NLGN1: variants seen among roughly 807,000 people sequenced by gnomAD.
NLGN1 encodes neuroligin 1.
A neutral mutation model predicts 65.5 loss-of-function variants in NLGN1; 12 were observed. The observed-to-expected ratio is 0.18, with a 90% CI of 0.12 to 0.30. The LOEUF is 0.30. Ranked by LOEUF, NLGN1 falls within the 10% of genes least tolerant of loss-of-function variation. The pLI, the probability that NLGN1 is intolerant of heterozygous loss-of-function variation, is 1.00. For missense variants in NLGN1, 750 were observed against 1,007.1 expected (o/e 0.74, Z 3.46); for synonymous variants, 350 against 359.5 (o/e 0.97, Z 0.30).
rs753056792 is a variant in NLGN1 at position 173,489,176 on chromosome 3, T to C, written c.-321+54098T>C. The stretch of plus-strand genomic sequence containing the variant: ...TGTATACATGTGCCATGTTGGTGTG[T>C]TGCACCAATTAACTCATCATTTACA... On this transcript the variant is annotated intron_variant, in intron 2 of 6. Coordinates refer to ENST00000457714, the Ensembl canonical transcript of NLGN1. Among the ~76,000 whole-genome samples, 14 of 152,060 alleles carry C rather than the reference T, an allele frequency of 9.2e-5. No homozygotes were observed. The East Asian group carries it at 2.1e-3, about 23-fold the overall frequency.
intron 3 of NLGN1, among the ~76,000 whole-genome samples, chr3:173,793,125 C>T (rs1325467106): frequency 6.6e-6 from 1 of 151,944 alleles, no homozygotes; most frequent in Admixed American, 6.6e-5. Flanking sequence ...TTTGGGTTTG[C>T]CACTATTAAT....
chr3:173,710,469 C>T (rs532262100), intron 3 of NLGN1, among the ~76,000 whole-genome samples: 56 of 152,128 alleles, frequency 3.7e-4, no homozygotes, highest in African/African-American at 1.1e-3. Flanking sequence ...TTAAATGCAA[C>T]GTTTCTGAAT....
chr3:173,977,105 A>G (rs1560762974), intron 4 of NLGN1, among the ~76,000 whole-genome samples: 1 of 140,304 alleles, frequency 7.1e-6, no homozygotes, highest in African/African-American at 2.9e-5. Context: ...ACACACACAC[A>G]CGCACACACA....
intron 3 of NLGN1, among the ~76,000 whole-genome samples, chr3:173,692,719 A>G (rs1157704775): frequency 6.6e-6 from 1 of 152,088 alleles, no homozygotes; most frequent in Non-Finnish European, 1.5e-5. Context: ...AATATGAACT[A>G]AAATGATAAT....
intron 3 of NLGN1, among the ~76,000 whole-genome samples, chr3:173,609,453 C>T (rs1560044830): frequency 6.6e-6 from 1 of 151,898 alleles, no homozygotes; most frequent in Non-Finnish European, 1.5e-5. Context: ...TTTCAAGAGC[C>T]TTTTCCACAG....
chr3:174,077,437 G>A (rs1741235730), intron 4 of NLGN1, among the ~76,000 whole-genome samples: 1 of 152,136 alleles, frequency 6.6e-6, no homozygotes, highest in African/African-American at 2.4e-5. Context: ...TTTTAAAGTT[G>A]TTAAAATAGA....
At chr3:173,778,810 T>C (rs962981069) in intron 3 of NLGN1, among the ~76,000 whole-genome samples, 3 of 151,666 alleles carry the variant, frequency 2.0e-5, no homozygotes, top group Non-Finnish European at 3.0e-5. Flanking sequence ...TAGAAACAAA[T>C]ATAGAATTCT....
intron 2 of NLGN1, among the ~76,000 whole-genome samples, chr3:173,497,614 G>C (rs2149040057): frequency 6.6e-6 from 1 of 151,776 alleles, no homozygotes; most frequent in Non-Finnish European, 1.5e-5. Flanking sequence ...AAAAGGTAGT[G>C]TGTAAGCTAC....
chr3:174,234,831 G>A lies in NLGN1; in HGVS notation c.647-40484G>A, dbSNP rs150435961. Among the ~76,000 whole-genome samples, 22 of 151,798 alleles carry A rather than the reference G, an allele frequency of 1.4e-4. No homozygotes were observed. In the East Asian group the frequency reaches 2.5e-3, roughly 17 times the overall value. On this transcript the variant is annotated intron_variant, in intron 4 of 6. Transcript: ENST00000457714. ...GTTATGCTTTTAGCACCAAATTAAC[G>A]TAAAACAAAATTATATAGTTTATAA...
chr3:174,239,680 G>A (rs953928255), intron 4 of NLGN1, among the ~76,000 whole-genome samples: 3 of 151,984 alleles, frequency 2.0e-5, no homozygotes, highest in East Asian at 1.9e-4. Flanking sequence ...AAGGGTAGTC[G>A]ATATAATTGT....
rs1319720531 is a variant in NLGN1, at chr3:173,868,701, A to T, written c.646+60869A>T. 2.6e-5 allele frequency among the ~76,000 whole-genome samples: 4 copies of T among 152,278 alleles called. No homozygotes were observed. In the East Asian group the frequency reaches 7.7e-4, roughly 29 times the overall value. ...GCTCCCAAGCTTCACTGGGCATATT[A>T]ATCTTTGATAAAAATGTAGACTTTA... On this transcript the variant is annotated intron_variant, in intron 4 of 6. Transcript: ENST00000457714.
At chr3:173,438,663 C>T (rs770407490) in intron 2 of NLGN1, among the ~76,000 whole-genome samples, 51 of 152,034 alleles carry the variant, frequency 3.4e-4, no homozygotes, top group Non-Finnish European at 6.0e-4. Flanking sequence ...AGAAAAACTG[C>T]GGAAGATTTA....
At chr3:173,948,529 G>A (rs1560703512) in intron 4 of NLGN1, among the ~76,000 whole-genome samples, 1 of 152,176 alleles carries the variant, frequency 6.6e-6, no homozygotes, top group Non-Finnish European at 1.5e-5. Flanking sequence ...GTAGAAGGGT[G>A]AGTAAATGGA....
intron 4 of NLGN1, among the ~76,000 whole-genome samples, chr3:173,887,374 C>T (rs949671734): frequency 1.3e-5 from 2 of 151,812 alleles, no homozygotes; most frequent in Non-Finnish European, 2.9e-5. Context: ...ACAACTTGAT[C>T]GTAATGACTC....
intron 4 of NLGN1, among the ~76,000 whole-genome samples, chr3:174,220,999 C>A (rs1353890157): frequency 6.6e-6 from 1 of 152,194 alleles, no homozygotes; most frequent in Non-Finnish European, 1.5e-5. Context: ...GGGTAAAGCC[C>A]TAAGGGTTGA....
chr3:173,772,858 T>C (rs1779778788), intron 3 of NLGN1, among the ~76,000 whole-genome samples: 1 of 152,144 alleles, frequency 6.6e-6, no homozygotes, highest in Non-Finnish European at 1.5e-5. Context: ...CTCCTCCTAA[T>C]TGCAGCTTCC....
chr3:173,821,044 A>C (rs997239445), intron 4 of NLGN1, among the ~76,000 whole-genome samples: 1 of 152,170 alleles, frequency 6.6e-6, no homozygotes, highest in Admixed American at 6.5e-5. Context: ...ACACCCACTC[A>C]TCTTTTATAA....
At chr3:173,914,469 C>T (rs1560618610) in intron 4 of NLGN1, among the ~76,000 whole-genome samples, 1 of 152,096 alleles carries the variant, frequency 6.6e-6, no homozygotes, top group Non-Finnish European at 1.5e-5. Context: ...GAAACACACA[C>T]ACACACATAT....
chr3:174,233,532 A>T lies in NLGN1; in HGVS notation c.647-41783A>T, dbSNP rs886660610. On this transcript the variant is annotated intron_variant, in intron 4 of 6. Transcript: ENST00000457714. ...AATAATAATAATATAAAAAATAAAC[A>T]GTTAAAGGCAAACCTCTTGAACAGA... is the stretch of plus-strand genomic sequence containing the variant. 2.0e-5 allele frequency among the ~76,000 whole-genome samples: 3 copies of T among 151,240 alleles called. No homozygotes were observed. In the East Asian group the frequency reaches 5.8e-4, roughly 29 times the overall value.
Sources: gnomAD v4.1 joint callset for allele counts (sites outside exome capture counted in the v4.1 genomes callset) on GRCh38, gnomAD v4.1.1 for gene constraint, MANE v1.5 for transcripts, NCBI Gene and HGNC (gene_info 2026-07-23, HGNC 2026-07-21) for gene names.